Variants in ST8SIA5 observed in about 807,000 individuals in gnomAD.
The protein encoded by ST8SIA5 is ST8 alpha-N-acetyl-neuraminide alpha-2,8-sialyltransferase 5.
A neutral mutation model predicts 40.2 loss-of-function variants in ST8SIA5; 24 were observed. The observed-to-expected ratio is 0.60, with a 90% CI of 0.43 to 0.84. The LOEUF is 0.84. Among genes scored for constraint, ST8SIA5 ranks in the 40% least tolerant of loss-of-function variants. ST8SIA5 has a pLI of 0.00. For missense variants in ST8SIA5, 465 were observed against 498.5 expected (o/e 0.93, Z 0.64); for synonymous variants, 198 against 201.8 (o/e 0.98, Z 0.16).
intron 5 of ST8SIA5, among the ~76,000 whole-genome samples, chr18:46,683,296 G>A (rs1448073020): frequency 6.6e-6 from 1 of 152,096 alleles, no homozygotes. Flanking sequence ...TTATTGTTTT[G>A]CTTCATACTT....
intron 1 of ST8SIA5, among the ~76,000 whole-genome samples, chr18:46,725,053 G>GGAAA (rs1568270606): frequency 1.4e-4 from 20 of 139,492 alleles, no homozygotes; most frequent in African/African-American, 5.2e-4. Context: ...GGAAGGAAAA[G>GGAAA]AGAGAAAGAA....
chr18:46,721,292 G>C lies in ST8SIA5; in HGVS notation c.132-16628C>G, dbSNP rs1599132915. On this transcript the variant is annotated intron_variant, in intron 1 of 6. Transcript: ENST00000315087. ...TCTTCCACCCTAGGAAGTGGACAAT[G>C]TGGCAGGGGCTGCAGGGCCACCCCG... The C allele has an allele frequency of 1.8e-5, 25 of 1,371,360 alleles. No individual in the cohort carries two copies. In the Middle Eastern group the frequency reaches 4.1e-3, roughly 226 times the overall value. The allele number at this position is 1,371,360 out of a possible 1,614,324, so 84.9% of individuals were successfully genotyped here.
intron 1 of ST8SIA5, among the ~76,000 whole-genome samples, chr18:46,752,037 C>T (rs1402276156): frequency 6.6e-6 from 1 of 152,094 alleles, no homozygotes; most frequent in African/African-American, 2.4e-5. Context: ...GGAATTGGGC[C>T]CTGCCTGCCT....
intron 1 of ST8SIA5, among the ~76,000 whole-genome samples, chr18:46,721,055 C>A (rs2039857172): frequency 6.6e-6 from 1 of 152,114 alleles, no homozygotes; most frequent in South Asian, 2.1e-4. Flanking sequence ...GAAATCCCTG[C>A]AGCAGGGACA....
chr18:46,753,399 C>T (rs1019328856), intron 1 of ST8SIA5, among the ~76,000 whole-genome samples: 10 of 152,032 alleles, frequency 6.6e-5, no homozygotes, highest in South Asian at 6.2e-4. Context: ...GCTGAAAACC[C>T]GTCTCTACTA....
intron 1 of ST8SIA5, among the ~76,000 whole-genome samples, chr18:46,709,359 C>T (rs745425501): frequency 1.4e-4 from 21 of 152,234 alleles, no homozygotes; most frequent in Admixed American, 2.6e-4. Context: ...TCTTCTGCCA[C>T]CTTGATCTTG....
At chr18:46,740,885 G>A (rs2040081233) in intron 1 of ST8SIA5, among the ~76,000 whole-genome samples, 1 of 152,102 alleles carries the variant, frequency 6.6e-6, no homozygotes. Context: ...TAAATGCAAT[G>A]TCGTTCTGAG....
At position 46,673,339 on chromosome 18, in the gene ST8SIA5, G is replaced by A. The variant is rs761472709; in HGVS notation, c.*6703C>T. Reference sequence around the variant, plus strand: ...TGACTTTTGTTGCTAGGTACATAGTGGGTTATATATTATATTTGTATGTAC... The same window carrying A: ...TGACTTTTGTTGCTAGGTACATAGTAGGTTATATATTATATTTGTATGTAC... On this transcript the variant is annotated 3_prime_UTR_variant, in exon 7 of 7. Transcript: ENST00000315087. 4 of 152,130 alleles carry A rather than the reference G, an allele frequency of 2.6e-5. No individual in the cohort carries two copies. The highest frequency in any genetic ancestry group is 2.1e-4 in the South Asian group (1 of 4,830). 9.4% of individuals were successfully genotyped at this position (152,130 alleles called of 1,614,324 possible).
At position 46,672,476 on chromosome 18, in the gene ST8SIA5, T is replaced by C. The variant is rs1279140201; in HGVS notation, c.*7566A>G. On this transcript the variant is annotated 3_prime_UTR_variant, in exon 7 of 7. Transcript: ENST00000315087. ...AACTTTTACCCCAAAGCTGAGCAGA[T>C]CATTTAGTTGAAGGAAATGAGAGAT... 1 of 152,184 alleles carries C rather than the reference T, an allele frequency of 6.6e-6. No homozygotes were observed. The highest frequency in any genetic ancestry group is 1.5e-5 in the Non-Finnish European group (1 of 68,038). 9.4% of individuals were successfully genotyped at this position (152,184 alleles called of 1,614,324 possible).
At chr18:46,748,148 C>T (rs1162754417) in intron 1 of ST8SIA5, among the ~76,000 whole-genome samples, 1 of 152,040 alleles carries the variant, frequency 6.6e-6, no homozygotes, top group Non-Finnish European at 1.5e-5. Flanking sequence ...TGCAGCAAAC[C>T]AACATGGCAC....
At chr18:46,695,137 C>T (rs1041785636) in intron 2 of ST8SIA5, among the ~76,000 whole-genome samples, 26 of 144,866 alleles carry the variant, frequency 1.8e-4, no homozygotes, top group Non-Finnish European at 1.2e-4. Context: ...CCAGCCTAGG[C>T]GACAGAGCAA....
In ST8SIA5 at chr18:46,756,765, G is replaced by A. The variant is rs963402822; in HGVS notation, c.-257C>T. On this transcript the variant is annotated 5_prime_UTR_variant, in exon 1 of 7. Transcript: ENST00000315087. ...GCGGCCAGGGGCCTTCCCCACCCCC[G>A]GGTACCTTTACCTCCAGGCGCCGGT... is the stretch of plus-strand genomic sequence containing the variant. 7 of 433,238 alleles carry A rather than the reference G, an allele frequency of 1.6e-5. No homozygotes were observed. 26.8% of individuals were successfully genotyped at this position (433,238 alleles called of 1,614,324 possible). A position where few individuals can be genotyped will look rare whatever the true frequency, so the allele number is the denominator to read the frequency against.
At chr18:46,694,183 C>G (rs1429186666) in intron 2 of ST8SIA5, among the ~76,000 whole-genome samples, 1 of 152,140 alleles carries the variant, frequency 6.6e-6, no homozygotes, top group Non-Finnish European at 1.5e-5. Context: ...TTGGGCGAGC[C>G]CTTCCTGATG....
At chr18:46,743,366 T>C (rs1232344791) in intron 1 of ST8SIA5, among the ~76,000 whole-genome samples, 5 of 152,176 alleles carry the variant, frequency 3.3e-5, no homozygotes, top group African/African-American at 9.7e-5. Context: ...AGAGAAGACC[T>C]TAAATGACCT....
chr18:46,679,894 C>T lies in ST8SIA5; in HGVS notation c.*148G>A. 1.2e-6 allele frequency: 1 copy of T among 817,338 alleles called. No individual in the cohort carries two copies. Among genetic ancestry groups the T allele is most frequent in the Non-Finnish European group, 1.9e-6 (1 of 534,690 alleles). The allele number at this position is 817,338 out of a possible 1,614,324, so 50.6% of individuals were successfully genotyped here. A position where few individuals can be genotyped will look rare whatever the true frequency, so the allele number is the denominator to read the frequency against. ...CCGGTTCCTAACCCTGCCTCCCTAC[C>T]CCAGGATCCAAGTACAGAGCTGAAC... On this transcript the variant is annotated 3_prime_UTR_variant, in exon 7 of 7. Coordinates refer to ENST00000315087, the MANE Select transcript of ST8SIA5 (RefSeq NM_013305.6).
intron 1 of ST8SIA5, among the ~76,000 whole-genome samples, chr18:46,704,888 T>C (rs2039654927): frequency 6.6e-6 from 1 of 152,136 alleles, no homozygotes; most frequent in Non-Finnish European, 1.5e-5. Flanking sequence ...CTTGGGAGTG[T>C]AGGCATTTAC....
chr18:46,756,212 T>A (rs942022797), intron 1 of ST8SIA5, among the ~76,000 whole-genome samples, 166 bp downstream of exon 1: 1 of 152,186 alleles, frequency 6.6e-6, no homozygotes, highest in Non-Finnish European at 1.5e-5. Context: ...GCAAGGATGC[T>A]CTTGGAAACG....
intron 2 of ST8SIA5, among the ~76,000 whole-genome samples, chr18:46,697,970 G>C (rs1209279723): frequency 6.6e-6 from 1 of 152,112 alleles, no homozygotes. Context: ...CTAAAAGATG[G>C]TAGAGAAGGT....
intron 1 of ST8SIA5, among the ~76,000 whole-genome samples, chr18:46,719,706 C>CTTTCTTTCTTTCTTTCTTTCTTTCTT (rs879729983): frequency 6.9e-5 from 10 of 145,572 alleles, no homozygotes; most frequent in Non-Finnish European, 1.1e-4. Flanking sequence ...TTCTTTCTTT[C>CTTTCTTTCTTTCTTTCTTTCTTTCTT]TCTCTTTCTT....
Sources: gnomAD v4.1 joint callset for allele counts (sites outside exome capture counted in the v4.1 genomes callset) on GRCh38, gnomAD v4.1.1 for gene constraint, MANE v1.5 for transcripts, NCBI Gene and HGNC (gene_info 2026-07-23, HGNC 2026-07-21) for gene names.